SDK1: variants seen among roughly 807,000 people sequenced by gnomAD.
SDK1 encodes the protein sidekick cell adhesion molecule 1.
In SDK1, 157 loss-of-function variants were observed where a neutral mutation model predicts 245.5. The ratio of observed to expected loss-of-function variants is 0.64; its 90% confidence interval spans 0.56 to 0.73. SDK1 has a LOEUF of 0.73. SDK1 is among the 30% of genes least tolerant of loss of function. The pLI is 0.00. For missense variants in SDK1, 3,583 were observed against 3,002.3 expected, an observed-to-expected ratio of 1.19 and a Z score of -4.52; for synonymous variants, 1,647 against 1,278.5, an observed-to-expected ratio of 1.29 and a Z score of -6.15.
intron 1 of SDK1, among the ~76,000 whole-genome samples, chr7:3,540,300 G>C (rs572959124): frequency 6.6e-6 from 1 of 152,162 alleles, no homozygotes; most frequent in African/African-American, 2.4e-5. Context: ...TCAGCTATTC[G>C]GGAGGCCGAG....
chr7:3,878,921 T>G (rs1203088836), intron 5 of SDK1, among the ~76,000 whole-genome samples: 2 of 152,188 alleles, frequency 1.3e-5, no homozygotes, highest in Non-Finnish European at 2.9e-5. Flanking sequence ...AAAGCCTGTG[T>G]AATCGCCACT....
chr7:3,888,330 A>G (rs1781383356), intron 5 of SDK1, among the ~76,000 whole-genome samples: 1 of 152,142 alleles, frequency 6.6e-6, no homozygotes, highest in Non-Finnish European at 1.5e-5. Flanking sequence ...AGTCTGGCCC[A>G]CAGCCTGGCC....
chr7:3,953,302 C>T (rs1780981240), intron 7 of SDK1, among the ~76,000 whole-genome samples: 1 of 152,168 alleles, frequency 6.6e-6, no homozygotes, highest in African/African-American at 2.4e-5. Context: ...GACCTTGACT[C>T]TTCTAAATAC....
At chr7:3,520,237 A>G (rs1267010072) in intron 1 of SDK1, among the ~76,000 whole-genome samples, 1 of 152,168 alleles carries the variant, frequency 6.6e-6, no homozygotes, top group Non-Finnish European at 1.5e-5. Context: ...TTGGACCAAC[A>G]GGTTCATAGT....
intron 5 of SDK1, among the ~76,000 whole-genome samples, chr7:3,941,506 T>C (rs1034305641): frequency 2.6e-5 from 4 of 152,020 alleles, no homozygotes; most frequent in African/African-American, 7.2e-5. Flanking sequence ...TTTTCCCAAA[T>C]GGGCCAAACG....
rs199852934 is a variant in SDK1, at chr7:4,109,610, C to A, written c.3325-1053C>A. On this transcript the variant is annotated intron_variant, in intron 22 of 44. Coordinates refer to ENST00000404826, the MANE Select transcript of SDK1 (RefSeq NM_152744.4). ...CCAGAGCCACACGGCCACACGAAACCAGAGTTTGCTTGTGATGGGGCTGCA... is the reference window on the plus strand; with the variant it reads ...CCAGAGCCACACGGCCACACGAAACAAGAGTTTGCTTGTGATGGGGCTGCA... Among the ~76,000 whole-genome samples the A allele has an allele frequency of 2.0e-5, 3 of 152,316 alleles. No individual in the cohort carries two copies. In the East Asian group the frequency reaches 5.8e-4, roughly 29 times the overall value.
At chr7:4,249,413 G>A (rs1787145344) in intron 44 of SDK1, among the ~76,000 whole-genome samples, 1 of 152,222 alleles carries the variant, frequency 6.6e-6, no homozygotes, top group African/African-American at 2.4e-5. Context: ...GGCAAGCCCT[G>A]TGCTGGAGGA....
intron 22 of SDK1, among the ~76,000 whole-genome samples, chr7:4,107,518 T>C (rs1209546748): frequency 1.1e-4 from 16 of 151,868 alleles, no homozygotes; most frequent in Admixed American, 1.0e-3. Flanking sequence ...CAAAACGTAT[T>C]CTCCATGAAA....
chr7:4,205,966 G>A lies in SDK1; in HGVS notation c.5186G>A (p.Ser1729Asn), dbSNP rs1173143249. ...ACGTGGGACCCACCACCCCCGGAGA[G>A]CCAGAATGGGAACATCCAAGGCTAC... Reference protein sequence around the residue: ...EVTWDPPPPESQNGNIQGYKI... With the variant: ...EVTWDPPPPENQNGNIQGYKI... Residue 1729 changes from serine to asparagine, a missense_variant, in exon 36 of 45, where the codon AGC becomes AAC. Transcript: ENST00000404826. 1.3e-6 allele frequency: 2 copies of A among 1,557,764 alleles called. No homozygotes were observed. Among genetic ancestry groups the A allele is most frequent in the East Asian group, 2.4e-5 (1 of 41,706 alleles).
Position 3,951,031 on chromosome 7 carries a change from C to T in SDK1, c.956C>T (p.Ala319Val). ...ACCACCTTGGAATGTATAGCCAGTGCCAGGTACGAGGCGCGTCTCCTGTGA... is the reference window on the plus strand; with the variant it reads ...ACCACCTTGGAATGTATAGCCAGTGTCAGGTACGAGGCGCGTCTCCTGTGA... ...SETTLECIASARPVEDLSVTW... is the reference protein window; with the variant it reads ...SETTLECIASVRPVEDLSVTW... The change falls in exon 6 of 45, where the codon GCC becomes GTC. Residue 319 changes from alanine (A) to valine (V), a missense_variant. Coordinates refer to ENST00000404826, the MANE Select transcript of SDK1 (RefSeq NM_152744.4). 1 of 1,608,666 alleles carries T rather than the reference C, an allele frequency of 6.2e-7. No individual in the cohort carries two copies. Among genetic ancestry groups the T allele is most frequent in the African/African-American group, 1.3e-5 (1 of 74,902 alleles).
intron 13 of SDK1, among the ~76,000 whole-genome samples, chr7:3,975,581 G>C (rs1158465861): frequency 6.6e-6 from 1 of 152,232 alleles, no homozygotes; most frequent in African/African-American, 2.4e-5. Context: ...TGCTTGCTAA[G>C]TGCTAAGCAT....
intron 1 of SDK1, among the ~76,000 whole-genome samples, chr7:3,615,319 A>G (rs907561994): frequency 5.3e-5 from 8 of 151,660 alleles, no homozygotes; most frequent in Non-Finnish European, 1.2e-4. Context: ...ATAAGAGGAG[A>G]TGATTTTTGC....
chr7:3,720,017 T>C (rs1365253183), intron 4 of SDK1, among the ~76,000 whole-genome samples: 2 of 151,840 alleles, frequency 1.3e-5, no homozygotes, highest in Non-Finnish European at 2.9e-5. Flanking sequence ...TCAGAGTATC[T>C]TTGGGATCTA....
At chr7:3,669,630 T>C (rs1258087583) in intron 4 of SDK1, among the ~76,000 whole-genome samples, 1 of 152,184 alleles carries the variant, frequency 6.6e-6, no homozygotes, top group African/African-American at 2.4e-5. Context: ...CCTCAATCCT[T>C]GGTCCTAGCA....
intron 1 of SDK1, among the ~76,000 whole-genome samples, chr7:3,433,232 A>G (rs1779919740): frequency 1.3e-5 from 2 of 152,134 alleles, no homozygotes; most frequent in South Asian, 2.1e-4. Context: ...ATCTGCCTCA[A>G]CCCTCTAGTT....
chr7:3,704,924 A>G (rs577480144), intron 4 of SDK1, among the ~76,000 whole-genome samples: 3 of 152,236 alleles, frequency 2.0e-5, no homozygotes, highest in African/African-American at 7.2e-5. Flanking sequence ...ACTTTTCTCA[A>G]TACCATTTAT....
intron 1 of SDK1, among the ~76,000 whole-genome samples, chr7:3,330,612 C>T (rs1056760194): frequency 2.6e-5 from 4 of 152,064 alleles, no homozygotes; most frequent in Non-Finnish European, 4.4e-5. Flanking sequence ...TCACCAGATG[C>T]CAGTGCCATG....
At chr7:3,911,878 G>A (rs973824559) in intron 5 of SDK1, among the ~76,000 whole-genome samples, 15 of 152,276 alleles carry the variant, frequency 9.9e-5, no homozygotes, top group African/African-American at 3.4e-4. Context: ...GTGCAAATAT[G>A]TGACCTGAGG....
intron 1 of SDK1, among the ~76,000 whole-genome samples, chr7:3,472,845 A>T (rs1363516439): frequency 6.6e-6 from 1 of 152,212 alleles, no homozygotes; most frequent in Admixed American, 6.5e-5. Context: ...TCTGGCTTAC[A>T]GTACCAGCAT....
Sources: allele counts gnomAD v4.1 joint callset (sites outside exome capture counted in the v4.1 genomes callset), GRCh38; gene constraint gnomAD v4.1.1; transcripts MANE v1.5; gene names NCBI Gene and HGNC (gene_info 2026-07-23, HGNC 2026-07-21).